PIK3CA: variants seen among roughly 807,000 people sequenced by gnomAD.
PIK3CA encodes the protein phosphatidylinositol-4,5-bisphosphate 3-kinase catalytic subunit alpha, also known as phosphatidylinositol 4,5-bisphosphate 3-kinase catalytic subunit alpha isoform.
In PIK3CA, 27 loss-of-function variants were observed where a neutral mutation model predicts 138.2. The ratio of observed to expected loss-of-function variants is 0.20; its 90% confidence interval spans 0.14 to 0.27. The LOEUF is 0.27. Ranked by LOEUF, PIK3CA falls within the 10% of genes least tolerant of loss-of-function variation. The pLI, the probability that PIK3CA is intolerant of heterozygous loss-of-function variation, is 1.00. For synonymous variants in PIK3CA, 358 were observed against 413.2 expected (o/e 0.87, Z 1.62); for missense variants, 544 against 1,277.4 (o/e 0.43, Z 8.75).
chr3:179,216,576 T>C (rs1006772257), intron 9 of PIK3CA, among the ~76,000 whole-genome samples: 1 of 152,162 alleles, frequency 6.6e-6, no homozygotes, highest in African/African-American at 2.4e-5. Context: ...AGAAATGTTT[T>C]GTAATTACAG....
At chr3:179,177,532 C>G (rs1723728641) in intron 1 of PIK3CA, among the ~76,000 whole-genome samples, 1 of 152,058 alleles carries the variant, frequency 6.6e-6, no homozygotes, top group African/African-American at 2.4e-5. Flanking sequence ...AGGCTGGTCT[C>G]AAACTCCTGA....
intron 9 of PIK3CA, among the ~76,000 whole-genome samples, chr3:179,214,492 C>T (rs1356743767): frequency 6.6e-6 from 1 of 152,096 alleles, no homozygotes; most frequent in Non-Finnish European, 1.5e-5. Flanking sequence ...TTAATTGGCT[C>T]ATGGCACCCC....
At chr3:179,171,887 G>A (rs1351878614) in intron 1 of PIK3CA, among the ~76,000 whole-genome samples, 4 of 151,864 alleles carry the variant, frequency 2.6e-5, no homozygotes, top group Non-Finnish European at 5.9e-5. Flanking sequence ...CATTTTATGA[G>A]GACAGTATTA....
intron 9 of PIK3CA, among the ~76,000 whole-genome samples, chr3:179,212,552 C>T (rs551031824): frequency 3.3e-5 from 5 of 151,822 alleles, no homozygotes; most frequent in African/African-American, 7.2e-5. Context: ...TGCAGTGAGC[C>T]GAGATTGCGC....
intron 1 of PIK3CA, among the ~76,000 whole-genome samples, chr3:179,178,004 C>T (rs370860841): frequency 2.5e-4 from 37 of 150,606 alleles, no homozygotes; most frequent in African/African-American, 8.3e-4. Flanking sequence ...CTCTGGGAGG[C>T]CAAGGTGGGA....
At position 179,230,475 on chromosome 3, in the gene PIK3CA, C is replaced by G; in HGVS notation, c.2936+99C>G. The G allele has an allele frequency of 9.3e-7, 1 of 1,071,244 alleles. No individual in the cohort carries two copies. Among genetic ancestry groups the G allele is most frequent in the South Asian group, 1.7e-5 (1 of 59,670 alleles). 66.4% of individuals were successfully genotyped at this position (1,071,244 alleles called of 1,614,324 possible). A position where few individuals can be genotyped will look rare whatever the true frequency, so the allele number is the denominator to read the frequency against. On this transcript the variant is annotated intron_variant, in intron 20 of 20. Coordinates refer to ENST00000263967, the MANE Select transcript of PIK3CA (RefSeq NM_006218.4). The surrounding 1 kb of genome is among the most constrained non-coding windows in gnomAD (Gnocchi z 5.4). ...GCAATTTCAAAATAATAAATGTTGG[C>G]TGGGTGTGGTGGTTCATGCCTGTAA...
intron 16 of PIK3CA, 111 bp downstream of exon 16, chr3:179,224,932 T>C: frequency 1.6e-6 from 1 of 621,212 alleles, no homozygotes; most frequent in Non-Finnish European, 2.7e-6. Flanking sequence ...AATATACACA[T>C]GTGATAAAAT....
Position 179,230,451 on chromosome 3 carries a change from C to A in PIK3CA, c.2936+75C>A, listed in dbSNP as rs2108425652. The A allele has an allele frequency of 7.8e-7, 1 of 1,287,056 alleles. No homozygotes were observed. Among genetic ancestry groups the A allele is most frequent in the Admixed American group, 2.3e-5 (1 of 43,140 alleles). The allele number at this position is 1,287,056 out of a possible 1,614,324, so 79.7% of individuals were successfully genotyped here. On this transcript the variant is annotated intron_variant, in intron 20 of 20. Coordinates refer to ENST00000263967, the MANE Select transcript of PIK3CA (RefSeq NM_006218.4). The surrounding 1 kb of genome is among the most constrained non-coding windows in gnomAD (Gnocchi z 5.4). ...TTAGAAACAATCAATATTTTTCAAG[C>A]AATTTCAAAATAATAAATGTTGGCT...
At chr3:179,201,042 C>A (rs534672663) in intron 3 of PIK3CA, among the ~76,000 whole-genome samples, 1 of 152,164 alleles carries the variant, frequency 6.6e-6, no homozygotes, top group African/African-American at 2.4e-5. Context: ...AGCTTGGTCT[C>A]AGGTACTTGT....
chr3:179,206,712 T>A (rs965758121), intron 6 of PIK3CA, among the ~76,000 whole-genome samples: 1 of 152,052 alleles, frequency 6.6e-6, no homozygotes, highest in Non-Finnish European at 1.5e-5. Context: ...CCCAGGAGTT[T>A]GAGACCACCC....
chr3:179,233,417 A>ATT (rs75435014), intron 20 of PIK3CA: 53 of 331,776 alleles, frequency 1.6e-4, no homozygotes, highest in South Asian at 1.3e-3. Flanking sequence ...AACTATTTTA[A>ATT]TTTTTTTTTT....
chr3:179,229,934 G>A, intron 18 of PIK3CA, 70 bp from the exon 19 acceptor site: 1 of 948,352 alleles, frequency 1.1e-6, no homozygotes. Context: ...CTTGCACCCT[G>A]TTTTCTTTTC....
At position 179,190,752 on chromosome 3, in the gene PIK3CA, A is replaced by G. The variant is rs575962048; in HGVS notation, c.-76-7998A>G. Among the ~76,000 whole-genome samples the G allele has an allele frequency of 3.3e-5, 5 of 152,342 alleles. No individual in the cohort carries two copies. The East Asian group carries it at 9.6e-4, about 29-fold the overall frequency. On this transcript the variant is annotated intron_variant, in intron 1 of 20. Transcript: ENST00000263967. Reference sequence around the variant, plus strand: ...TAAACTTGACAGTAGACAGATTAACAGGAGAAAAGGCATGTAAATGTATCG... The same window carrying G: ...TAAACTTGACAGTAGACAGATTAACGGGAGAAAAGGCATGTAAATGTATCG...
At chr3:179,192,724 G>C (rs1279505451) in intron 1 of PIK3CA, among the ~76,000 whole-genome samples, 1 of 152,144 alleles carries the variant, frequency 6.6e-6, no homozygotes, top group Non-Finnish European at 1.5e-5. Flanking sequence ...TGTAAACACA[G>C]TTTGTTACCT....
chr3:179,219,560 C>G lies in PIK3CA; in HGVS notation c.1747-11C>G, dbSNP rs750993863. On this transcript the variant is annotated splice_polypyrimidine_tract_variant and intron_variant, in intron 11 of 20. Transcript: ENST00000263967. The surrounding 1 kb of genome is among the most constrained non-coding windows in gnomAD (Gnocchi z 4.2). ...CCTTTAAATATGATTTATTGTCTTT[C>G]TCATACACAGATGTATTGCTTGGTA... The G allele has an allele frequency of 1.7e-5, 22 of 1,294,334 alleles. No individual in the cohort carries two copies. Among genetic ancestry groups the G allele is most frequent in the Non-Finnish European group, 2.5e-5 (22 of 896,342 alleles). 80.2% of individuals were successfully genotyped at this position (1,294,334 alleles called of 1,614,324 possible). A position where few individuals can be genotyped will look rare whatever the true frequency, so the allele number is the denominator to read the frequency against.
chr3:179,172,660 T>C (rs1272034348), intron 1 of PIK3CA, among the ~76,000 whole-genome samples: 1 of 152,146 alleles, frequency 6.6e-6, no homozygotes, highest in Non-Finnish European at 1.5e-5. Context: ...GTAATAAGAA[T>C]AGATACACAA....
chr3:179,177,446 G>A (rs1052592874), intron 1 of PIK3CA, among the ~76,000 whole-genome samples: 4 of 151,754 alleles, frequency 2.6e-5, no homozygotes, highest in East Asian at 3.9e-4. Flanking sequence ...CTGAGTAGCT[G>A]GGATTACAGG....
Position 179,163,509 on chromosome 3 carries a change from A to G in PIK3CA, c.-77+14906A>G, listed in dbSNP as rs1723337825. 2.0e-5 allele frequency among the ~76,000 whole-genome samples: 3 copies of G among 152,096 alleles called. No homozygotes were observed. The South Asian group carries it at 6.2e-4, about 32-fold the overall frequency. On this transcript the variant is annotated intron_variant, in intron 1 of 20. Coordinates refer to ENST00000263967, the MANE Select transcript of PIK3CA (RefSeq NM_006218.4). Reference sequence around the variant, plus strand: ...TTTAAAAAAACAAAAAAAGAAAAAAATCTCTTTCTCTCACCTCCTCTCCCC... The same window carrying G: ...TTTAAAAAAACAAAAAAAGAAAAAAGTCTCTTTCTCTCACCTCCTCTCCCC...
intron 1 of PIK3CA, among the ~76,000 whole-genome samples, chr3:179,157,515 T>C (rs944846001): frequency 6.6e-5 from 10 of 152,178 alleles, no homozygotes; most frequent in Non-Finnish European, 1.0e-4. Flanking sequence ...AAAATCATTT[T>C]GAGTAAATCT....
Sources: allele counts gnomAD v4.1 joint callset (sites outside exome capture counted in the v4.1 genomes callset), GRCh38; gene constraint gnomAD v4.1.1; non-coding constraint Gnocchi (gnomAD v3.1); transcripts MANE v1.5; gene names NCBI Gene and HGNC (gene_info 2026-07-23, HGNC 2026-07-21).